PDE8B: variants seen among roughly 807,000 people sequenced by gnomAD.
PDE8B encodes the protein phosphodiesterase 8B, also known as high affinity cAMP-specific and IBMX-insensitive 3',5'-cyclic phosphodiesterase 8B.
Under a neutral mutation model 101.3 loss-of-function variants are expected in PDE8B, and 26 were observed. That is an observed-to-expected ratio of 0.26 (90% CI 0.19 to 0.36). PDE8B has a LOEUF of 0.36. Among genes scored for constraint, PDE8B ranks in the 10% least tolerant of loss-of-function variants. The probability of loss-of-function intolerance (pLI) is 1.00; values close to 1 mark genes in which losing one functional copy is unlikely to be tolerated. For synonymous variants in PDE8B, 424 were observed against 429.3 expected (o/e 0.99, Z 0.15); for missense variants, 810 against 1,163.1 (o/e 0.70, Z 4.42).
intron 1 of PDE8B, among the ~76,000 whole-genome samples, chr5:77,278,745 C>T (rs376080045): frequency 1.4e-4 from 22 of 152,224 alleles, no homozygotes; most frequent in Non-Finnish European, 2.9e-4. Flanking sequence ...TGACCCACCG[C>T]GCCAGGCCCA....
chr5:77,317,160 C>A (rs1773936685), intron 2 of PDE8B, among the ~76,000 whole-genome samples: 1 of 152,150 alleles, frequency 6.6e-6, no homozygotes, highest in Admixed American at 6.5e-5. Context: ...GTCTATAACA[C>A]ACTAACTTTC....
the PDE8B span, among the ~76,000 whole-genome samples, chr5:77,097,720 T>TATATATATATAG: frequency 9.5e-5 from 4 of 41,890 alleles, no homozygotes; most frequent in South Asian, 9.2e-4. Flanking sequence ...TATATATATA[T>TATATATATATAG]ATATATATAT....
At chr5:77,111,293 A>G in the PDE8B span, among the ~76,000 whole-genome samples, 1 of 152,208 alleles carries the variant, frequency 6.6e-6, no homozygotes, top group Admixed American at 6.5e-5. Flanking sequence ...AGATCCAAAC[A>G]TAACTGCTAG....
At chr5:77,109,927 G>GTTTTTTTTTTTTTTTTTTTTTT in the PDE8B span, among the ~76,000 whole-genome samples, 2 of 67,234 alleles carry the variant, frequency 3.0e-5, no homozygotes, top group African/African-American at 1.2e-4. Flanking sequence ...TTGTATTTCA[G>GTTTTTTTTTTTTTTTTTTTTTT]TTTTTTTTTT....
intron 1 of PDE8B, among the ~76,000 whole-genome samples, chr5:77,219,738 G>A (rs1435038215): frequency 6.6e-6 from 1 of 152,188 alleles, no homozygotes; most frequent in Non-Finnish European, 1.5e-5. Flanking sequence ...AGTCTTGGCC[G>A]AGAAATGGGG....
intron 11 of PDE8B, 22 bp downstream of exon 11, chr5:77,400,312 T>C (rs1475022426): frequency 6.8e-6 from 10 of 1,465,210 alleles, no homozygotes; most frequent in South Asian, 2.3e-5. Context: ...TCAATTGAAC[T>C]CTAACATACT....
intron 10 of PDE8B, among the ~76,000 whole-genome samples, chr5:77,381,867 GGT>G (rs1720452761): frequency 2.0e-5 from 3 of 152,164 alleles, no homozygotes; most frequent in African/African-American, 7.2e-5. Context: ...TCTTACACTT[GGT>G]AGATTGACAG....
At chr5:77,369,151 C>T (rs6888919) in intron 10 of PDE8B, among the ~76,000 whole-genome samples, 98,158 of 146,212 alleles carry the variant, frequency 0.67, 33,268 homozygotes, top group African/African-American at 0.79. Flanking sequence ...TGCAGTGAGC[C>T]GAGATCATGC....
At chr5:77,426,157 T>C in intron 21 of PDE8B, 1 of 591,170 alleles carries the variant, frequency 1.7e-6, no homozygotes, top group South Asian at 2.0e-5. Flanking sequence ...CTGCCAAAGC[T>C]TACTGCAGTG....
intron 1 of PDE8B, among the ~76,000 whole-genome samples, chr5:77,307,081 A>T (rs1404535242): frequency 2.0e-5 from 3 of 152,184 alleles, no homozygotes; most frequent in African/African-American, 7.2e-5. Flanking sequence ...CTTAGAGATT[A>T]AAAAAGAGAG....
chr5:77,142,492 A>G, the PDE8B span, among the ~76,000 whole-genome samples: 3 of 152,284 alleles, frequency 2.0e-5, no homozygotes, highest in South Asian at 2.1e-4. Context: ...ATCACTATAG[A>G]TTAGTTTTAT....
intron 10 of PDE8B, among the ~76,000 whole-genome samples, chr5:77,387,446 A>T (rs1788953721): frequency 6.6e-6 from 1 of 152,196 alleles, no homozygotes; most frequent in Non-Finnish European, 1.5e-5. Context: ...CGTTACTCTA[A>T]TGGGCTTCCC....
chr5:77,252,012 T>G (rs1169708246), intron 1 of PDE8B, among the ~76,000 whole-genome samples: 1 of 152,240 alleles, frequency 6.6e-6, no homozygotes, highest in Non-Finnish European at 1.5e-5. Context: ...TTCTGTTGTT[T>G]CTACTGGCTC....
Position 77,405,853 on chromosome 5 carries a change from G to A in PDE8B, c.1288+1056G>A, listed in dbSNP as rs541129850. ...TTTTATTTGGCAAATGGGAGGACAC[G>A]TTCTGGGGTGTGAGGAGGGGATGGT... On this transcript the variant is annotated intron_variant, in intron 12 of 21. Transcript: ENST00000264917. Among the ~76,000 whole-genome samples the A allele has an allele frequency of 3.5e-4, 53 of 152,310 alleles. No individual in the cohort carries two copies. The South Asian group carries it at 0.011, about 31-fold the overall frequency.
intron 6 of PDE8B, 81 bp downstream of exon 6, chr5:77,337,396 G>T: frequency 1.3e-6 from 1 of 774,942 alleles, no homozygotes; most frequent in African/African-American, 1.7e-5. Context: ...ATGTTCAGGG[G>T]TTCATAGCTG....
At chr5:77,365,822 T>G (rs1279508379) in intron 10 of PDE8B, among the ~76,000 whole-genome samples, 1 of 152,194 alleles carries the variant, frequency 6.6e-6, no homozygotes, top group Non-Finnish European at 1.5e-5. Flanking sequence ...CAGCCATGTT[T>G]CCAGCACTTA....
the PDE8B span, among the ~76,000 whole-genome samples, chr5:77,156,786 T>TG: frequency 6.6e-6 from 1 of 151,616 alleles, no homozygotes; most frequent in African/African-American, 2.4e-5. Flanking sequence ...TCTGGGTAGT[T>TG]GGGGGAGGCA....
chr5:77,331,262 T>C (rs1477574965), intron 4 of PDE8B, 140 bp from the exon 5 acceptor site: 5 of 775,404 alleles, frequency 6.4e-6, no homozygotes, highest in Non-Finnish European at 1.2e-5. Context: ...TGAAGGCAGG[T>C]GTGCCCCGTG....
chr5:77,137,585 G>A, the PDE8B span, among the ~76,000 whole-genome samples: 10 of 152,218 alleles, frequency 6.6e-5, no homozygotes, highest in South Asian at 4.1e-4. Context: ...GTGTCTTCAC[G>A]CAAAGTAAGA....
Sources: allele counts gnomAD v4.1 joint callset (sites outside exome capture counted in the v4.1 genomes callset), GRCh38; gene constraint gnomAD v4.1.1; transcripts MANE v1.5; gene names NCBI Gene and HGNC (gene_info 2026-07-23, HGNC 2026-07-21).